The following ZFPM2 variants were observed in gnomAD, a reference collection of about 807,000 sequenced individuals.
ZFPM2 encodes the protein zinc finger protein ZFPM2.
ZFPM2 carries 20 observed loss-of-function variants against 98.6 expected under a neutral mutation model. The ratio of observed to expected loss-of-function variants is 0.20; its 90% confidence interval spans 0.14 to 0.29. The LOEUF is 0.29. Ranked by LOEUF, ZFPM2 falls within the 10% of genes least tolerant of loss-of-function variation. The pLI, the probability that ZFPM2 is intolerant of heterozygous loss-of-function variation, is 1.00. For missense variants in ZFPM2, 1,310 were observed against 1,388.6 expected, an observed-to-expected ratio of 0.94 and a Z score of 0.90; for synonymous variants, 518 against 502.7, an observed-to-expected ratio of 1.03 and a Z score of -0.41.
At chr8:105,435,253 A>G (rs1396321486) in intron 2 of ZFPM2, among the ~76,000 whole-genome samples, 3 of 152,188 alleles carry the variant, frequency 2.0e-5, no homozygotes, top group African/African-American at 4.8e-5. Flanking sequence ...TAATCTTGCA[A>G]TGGAAAACCA....
intron 4 of ZFPM2, among the ~76,000 whole-genome samples, chr8:105,572,433 A>G (rs1319014805): frequency 6.6e-6 from 1 of 152,056 alleles, no homozygotes; most frequent in East Asian, 1.9e-4. Context: ...GGAGATTAAC[A>G]TATTTTTGCC....
chr8:105,585,799 C>T (rs1472578006), intron 4 of ZFPM2, among the ~76,000 whole-genome samples: 1 of 152,004 alleles, frequency 6.6e-6, no homozygotes, highest in Non-Finnish European at 1.5e-5. Context: ...TGCCGTTGCA[C>T]TCCAGTCTTG....
At chr8:105,565,872 A>G (rs1479946125) in intron 4 of ZFPM2, among the ~76,000 whole-genome samples, 1 of 152,202 alleles carries the variant, frequency 6.6e-6, no homozygotes, top group Admixed American at 6.5e-5. Context: ...CCAGAGAAAC[A>G]GAACAACAGG....
chr8:105,336,164 C>A (rs939149641), intron 1 of ZFPM2, among the ~76,000 whole-genome samples: 1 of 151,736 alleles, frequency 6.6e-6, no homozygotes, highest in Non-Finnish European at 1.5e-5. Context: ...TTGGGGTTCA[C>A]GTTCCTGCTC....
At chr8:105,722,610 T>C (rs1563536934) in intron 5 of ZFPM2, among the ~76,000 whole-genome samples, 1 of 151,798 alleles carries the variant, frequency 6.6e-6, no homozygotes, top group Non-Finnish European at 1.5e-5. Context: ...GTCAAGAAAA[T>C]CATAATGAAG....
intron 1 of ZFPM2, among the ~76,000 whole-genome samples, chr8:105,335,634 G>C (rs988047251): frequency 2.6e-5 from 4 of 151,800 alleles, no homozygotes; most frequent in African/African-American, 9.7e-5. Context: ...TGATGTTCCA[G>C]CCATCAACTG....
chr8:105,640,278 A>G (rs569015322), intron 5 of ZFPM2, among the ~76,000 whole-genome samples: 1 of 151,788 alleles, frequency 6.6e-6, no homozygotes, highest in Admixed American at 6.6e-5. Context: ...TTTCTTTGCA[A>G]ATTTGCATAC....
chr8:105,442,810 ACAT>A (rs1475171766), intron 2 of ZFPM2, among the ~76,000 whole-genome samples: 1 of 152,180 alleles, frequency 6.6e-6, no homozygotes, highest in East Asian at 1.9e-4. Context: ...GCTCATATTA[ACAT>A]CATGTTAAAT....
At chr8:105,516,168 C>T (rs1283811942) in intron 3 of ZFPM2, among the ~76,000 whole-genome samples, 5 of 151,978 alleles carry the variant, frequency 3.3e-5, no homozygotes, top group Admixed American at 6.6e-5. Flanking sequence ...TCAGGTGATC[C>T]GCCTGCCTCG....
chr8:105,484,835 C>T (rs1813197287), intron 3 of ZFPM2, among the ~76,000 whole-genome samples: 1 of 152,148 alleles, frequency 6.6e-6, no homozygotes, highest in Non-Finnish European at 1.5e-5. Context: ...TTTGGGAAGA[C>T]ATCTTTCTGG....
Position 105,729,170 on chromosome 8 carries a change from ATC to A in ZFPM2, c.533-59544_533-59543del, listed in dbSNP as rs1309074975. Among the ~76,000 whole-genome samples, 17 of 151,782 alleles carry A rather than the reference ATC, an allele frequency of 1.1e-4. 1 individual carries two copies. The highest frequency in any genetic ancestry group is 8.6e-4 in the Admixed American group (13 of 15,176). ...TCGATATAGAAATGTTACATATTATATCTCTGAAGGTTAAGTTCATTATTGTC... is the reference window on the plus strand; with the variant it reads ...TCGATATAGAAATGTTACATATTATATCTGAAGGTTAAGTTCATTATTGTC... On this transcript the variant is annotated intron_variant, in intron 5 of 7. Coordinates refer to ENST00000407775, the MANE Select transcript of ZFPM2 (RefSeq NM_012082.4).
chr8:105,653,962 T>C (rs1407934501), intron 5 of ZFPM2, among the ~76,000 whole-genome samples: 1 of 142,752 alleles, frequency 7.0e-6, no homozygotes, highest in African/African-American at 2.6e-5. Context: ...CTCTACTTAA[T>C]GGGAACACTT....
At position 105,439,940 on chromosome 8, in the gene ZFPM2, T is replaced by C. The variant is rs59203905; in HGVS notation, c.200-4340T>C. Among the ~76,000 whole-genome samples, 882 of 151,984 alleles carry C rather than the reference T, an allele frequency of 5.8e-3. 4 individuals carry two copies. Among genetic ancestry groups the C allele is most frequent in the African/African-American group, 0.02 (828 of 41,434 alleles). ...ATAATTGTGTAGATTCTAGCTTCCA[T>C]GAAAAATTAAGTATTGGAAAGGTCA... is the stretch of plus-strand genomic sequence containing the variant. On this transcript the variant is annotated intron_variant, in intron 2 of 7. Transcript: ENST00000407775.
At chr8:105,319,023 C>A (rs1448824114) in intron 1 of ZFPM2, 42 bp downstream of exon 1, 2 of 1,480,894 alleles carry the variant, frequency 1.4e-6, no homozygotes, top group Non-Finnish European at 1.8e-6. Flanking sequence ...GGATTATTGC[C>A]CAGGAGCGGG....
At chr8:105,642,198 A>T (rs1816960704) in intron 5 of ZFPM2, among the ~76,000 whole-genome samples, 1 of 152,108 alleles carries the variant, frequency 6.6e-6, no homozygotes, top group South Asian at 2.1e-4. Context: ...ACACTGTATT[A>T]TGTAGAAAAA....
At chr8:105,796,598 T>G (rs1333609797) in intron 6 of ZFPM2, among the ~76,000 whole-genome samples, 1 of 152,214 alleles carries the variant, frequency 6.6e-6, no homozygotes, top group Non-Finnish European at 1.5e-5. Context: ...ATTTGATCAT[T>G]AGTTTTTCTC....
At chr8:105,581,884 G>A (rs966502792) in intron 4 of ZFPM2, among the ~76,000 whole-genome samples, 3 of 152,142 alleles carry the variant, frequency 2.0e-5, no homozygotes, top group Non-Finnish European at 4.4e-5. Flanking sequence ...TCCCCATTCT[G>A]TGATACCATC....
intron 3 of ZFPM2, among the ~76,000 whole-genome samples, chr8:105,555,721 A>G (rs1814973709): frequency 6.6e-6 from 1 of 152,190 alleles, no homozygotes. Flanking sequence ...TATAAATGCA[A>G]TGGGAGTATT....
intron 4 of ZFPM2, among the ~76,000 whole-genome samples, chr8:105,617,515 T>C (rs1203518655): frequency 2.0e-5 from 3 of 152,166 alleles, no homozygotes; most frequent in Admixed American, 2.0e-4. Flanking sequence ...AGTGGTTGCA[T>C]CCAGAGGTTC....
Sources: allele counts gnomAD v4.1 joint callset (sites outside exome capture counted in the v4.1 genomes callset), GRCh38; gene constraint gnomAD v4.1.1; transcripts MANE v1.5; gene names NCBI Gene and HGNC (gene_info 2026-07-23, HGNC 2026-07-21).